AMPD1: variants seen among roughly 807,000 people sequenced by gnomAD.
The protein encoded by AMPD1 is AMP deaminase 1.
In AMPD1, 74 loss-of-function variants were observed where a neutral mutation model predicts 82.9. That is an observed-to-expected ratio of 0.89 (90% CI 0.74 to 1.08). The LOEUF is 1.08. Ranked by LOEUF, AMPD1 falls within the 50% of genes least tolerant of loss-of-function variation. The pLI is 0.00. For missense variants in AMPD1, 881 were observed against 924.5 expected (o/e 0.95, Z 0.61); for synonymous variants, 333 against 320.5 (o/e 1.04, Z -0.42).
chr1:114,692,189 T>G (rs1008553679), intron 2 of AMPD1, among the ~76,000 whole-genome samples: 1 of 152,184 alleles, frequency 6.6e-6, no homozygotes, highest in African/African-American at 2.4e-5. Flanking sequence ...ATATCATGCT[T>G]TCTTCTTAAC....
intron 10 of AMPD1, 110 bp from the exon 11 acceptor site, chr1:114,676,113 A>G (rs1657974266): frequency 7.8e-7 from 1 of 1,280,996 alleles, no homozygotes; most frequent in Non-Finnish European, 1.1e-6. Flanking sequence ...AAGACGTGGT[A>G]TATCTATCCT....
At chr1:114,691,874 G>C (rs1045869918) in intron 2 of AMPD1, among the ~76,000 whole-genome samples, 1 of 151,370 alleles carries the variant, frequency 6.6e-6, no homozygotes, top group Non-Finnish European at 1.5e-5. Context: ...GCAATGAGCC[G>C]AGATTATGCT....
chr1:114,693,789 C>G (rs1260704723), intron 1 of AMPD1, among the ~76,000 whole-genome samples: 3 of 152,172 alleles, frequency 2.0e-5, no homozygotes, highest in African/African-American at 7.2e-5. Flanking sequence ...ATTTGGTAAA[C>G]AATTTAGTAA....
In AMPD1 at chr1:114,673,709, A is replaced by T; in HGVS notation, c.2015T>A (p.Phe672Tyr). The change falls in exon 15 of 16, where the codon TTC (phenylalanine) becomes TAC (tyrosine). Residue 672 changes from phenylalanine (F) to tyrosine (Y), a missense_variant. Phe to Tyr is a conservative substitution (Grantham distance 22). Coordinates refer to ENST00000520113, the MANE Select transcript of AMPD1 (RefSeq NM_000036.3). ...MEEYAIAAQV[F>Y]KLSTCDMCEV... ...GCACATATCACAGGTGCTCAGCTTG[A>T]AGACTTGTGCAGCAATAGCATATTC... is the stretch of plus-strand genomic sequence containing the variant. The T allele has an allele frequency of 1.9e-6, 3 of 1,614,140 alleles. No individual in the cohort carries two copies. Among genetic ancestry groups the T allele is most frequent in the Non-Finnish European group, 2.5e-6 (3 of 1,180,008 alleles).
intron 8 of AMPD1, 86 bp from the exon 9 acceptor site, chr1:114,678,127 G>A (rs1007698535): frequency 6.4e-7 from 1 of 1,568,868 alleles, no homozygotes; most frequent in Non-Finnish European, 8.7e-7. Context: ...CAGAACTGGG[G>A]TCTGGTAGTG....
In AMPD1 at chr1:114,680,413, C is replaced by G. The variant is rs1372085427; in HGVS notation, c.613G>C (p.Gly205Arg). The part of the protein sequence containing the change: ...FRTDNLPENL[G>R]YHLKMKDGVV... ...CCGTCCTTCATTTTGAGGTGATAGC[C>G]CAGGTTTTCAGGAAGGTTGTCTGTT... Residue 205 changes from glycine to arginine, a missense_variant, in exon 6 of 16, where the codon GGC becomes CGC. This residue lies in a region of AMPD1 where 783 missense variants were observed against 786.4 expected (regional missense o/e 1.00). Transcript: ENST00000520113. The G allele has an allele frequency of 6.2e-7, 1 of 1,613,998 alleles. No homozygotes were observed. Among genetic ancestry groups the G allele is most frequent in the Non-Finnish European group, 8.5e-7 (1 of 1,180,042 alleles).
In AMPD1 at chr1:114,674,887, C is replaced by G. The variant is rs535501788; in HGVS notation, c.1680-15G>C. ...TGCCTCGTTCCCTGGGGAAATAGAA[C>G]TGCTATTGGAATCGCAGGTTCTGGG... On this transcript the variant is annotated splice_polypyrimidine_tract_variant and intron_variant, in intron 12 of 15. Transcript: ENST00000520113. 6.2e-7 allele frequency: 1 copy of G among 1,613,922 alleles called. No individual in the cohort carries two copies. The highest frequency in any genetic ancestry group is 8.5e-7 in the Non-Finnish European group (1 of 1,179,980).
intron 12 of AMPD1, 97 bp downstream of exon 12, chr1:114,675,433 C>T (rs1485932050): frequency 6.8e-6 from 9 of 1,314,158 alleles, no homozygotes; most frequent in African/African-American, 2.9e-5. Context: ...GGAACCATCA[C>T]AGTAATGCAT....
At chr1:114,692,891 G>T (rs1194364315) in intron 2 of AMPD1, among the ~76,000 whole-genome samples, 1 of 151,132 alleles carries the variant, frequency 6.6e-6, no homozygotes, top group Non-Finnish European at 1.5e-5. Flanking sequence ...CCAGCACTTT[G>T]TGAGGCTGAA....
intron 10 of AMPD1, among the ~76,000 whole-genome samples, chr1:114,676,784 C>A (rs1391869500): frequency 6.6e-6 from 1 of 152,162 alleles, no homozygotes; most frequent in African/African-American, 2.4e-5. Context: ...ATATAAACAC[C>A]CAAGTTAGAT....
chr1:114,692,234 C>CT (rs1658536283), intron 2 of AMPD1, among the ~76,000 whole-genome samples: 1 of 152,164 alleles, frequency 6.6e-6, no homozygotes, highest in African/African-American at 2.4e-5. Flanking sequence ...CTCAGCAGTG[C>CT]TTTATTAATG....
At chr1:114,694,395 C>G (rs994109034) in intron 1 of AMPD1, among the ~76,000 whole-genome samples, 15 of 151,104 alleles carry the variant, frequency 9.9e-5, no homozygotes, top group Non-Finnish European at 2.1e-4. Context: ...ATTATCCTGC[C>G]AAAAGCAGGA....
Position 114,695,534 on chromosome 1 carries a change from G to GTGAC in AMPD1, c.-67_-64dup. 6.2e-7 allele frequency: 1 copy of GTGAC among 1,614,132 alleles called. No individual in the cohort carries two copies. Among genetic ancestry groups the GTGAC allele is most frequent in the Non-Finnish European group, 8.5e-7 (1 of 1,180,006 alleles). On this transcript the variant is annotated 5_prime_UTR_variant, in exon 1 of 16. Transcript: ENST00000520113. Reference sequence around the variant, plus strand: ...AAAAGAAGAGAGAGGAGACTGTGGGGTGACTGACTGACACTATAAAATATC... The same window carrying GTGAC: ...AAAAGAAGAGAGAGGAGACTGTGGGGTGACTGACTGACTGACACTATAAAATATC...
At chr1:114,685,867 A>T (rs1658302978) in intron 4 of AMPD1, among the ~76,000 whole-genome samples, 1 of 152,224 alleles carries the variant, frequency 6.6e-6, no homozygotes, top group Admixed American at 6.5e-5. Context: ...ATAAACAAGA[A>T]TGAGGTGCAT....
Position 114,674,011 on chromosome 1 carries a change from G to T in AMPD1, c.1872C>A (p.Ser624Arg), listed in dbSNP as rs1213954569. The change falls in exon 14 of 16, where the codon AGC becomes AGA. Residue 624 changes from serine (S) to arginine (R), a missense_variant. Ser to Arg is a moderately radical substitution (Grantham distance 110). Around this residue, in one of 2 missense-constraint regions of AMPD1, gnomAD observed 783 missense variants for 786.4 expected, o/e 1.00. Transcript: ENST00000520113. ...PIAMSPLSNN[S>R]LFLEYAKNPF... is the part of the protein sequence containing the mutation. ...GATTTTTGGCATACTCTAGAAATAG[G>T]CTATTGTTACTTAGTGGTGACATGG... The T allele has an allele frequency of 5.6e-6, 9 of 1,613,884 alleles. No individual in the cohort carries two copies. The highest frequency in any genetic ancestry group is 1.7e-5 in the Admixed American group (1 of 60,012).
At chr1:114,678,295 A>T (rs933618475) in intron 8 of AMPD1, 38 bp downstream of exon 8, 4 of 1,602,990 alleles carry the variant, frequency 2.5e-6, no homozygotes, top group Non-Finnish European at 3.4e-6. Flanking sequence ...TGGGGTTCTG[A>T]GTATTAGAGT....
At chr1:114,690,563 T>C (rs551347112) in intron 2 of AMPD1, among the ~76,000 whole-genome samples, 5 of 152,328 alleles carry the variant, frequency 3.3e-5, no homozygotes, top group African/African-American at 7.2e-5. Flanking sequence ...CCAAACTTCA[T>C]GCATCTATTT....
chr1:114,689,024 A>G, intron 2 of AMPD1: 1 of 647,304 alleles, frequency 1.5e-6, no homozygotes, highest in Admixed American at 1.8e-5. Context: ...TTGTAGGACT[A>G]GCACCTCAGT....
At chr1:114,694,199 G>A (rs1658604593) in intron 1 of AMPD1, among the ~76,000 whole-genome samples, 1 of 151,982 alleles carries the variant, frequency 6.6e-6, no homozygotes. Flanking sequence ...CTGGGTGACA[G>A]AGCGAGACTC....
Sources: allele counts gnomAD v4.1 joint callset (sites outside exome capture counted in the v4.1 genomes callset), GRCh38; gene constraint gnomAD v4.1.1; regional missense constraint gnomAD v4.1.1; transcripts MANE v1.5; gene names NCBI Gene and HGNC (gene_info 2026-07-23, HGNC 2026-07-21).